Variants in WNT5B observed in about 807,000 individuals in gnomAD.
WNT5B encodes Wnt family member 5B, also known as protein Wnt-5b.
A neutral mutation model predicts 36.5 loss-of-function variants in WNT5B; 18 were observed. The ratio of observed to expected loss-of-function variants is 0.49; its 90% CI spans 0.34 to 0.73. The LOEUF (loss-of-function observed/expected upper bound fraction) is 0.73. Ranked by LOEUF, WNT5B falls within the 30% of genes least tolerant of loss-of-function variation. WNT5B has a pLI of 0.01. For missense variants in WNT5B, 424 were observed against 508.4 expected (o/e 0.83, Z 1.60); for synonymous variants, 213 against 212.3 (o/e 1.00, Z -0.03).
chr12:1,622,806 C>T (rs146512829), intron 1 of WNT5B, among the ~76,000 whole-genome samples: 2,333 of 152,308 alleles, frequency 0.015, 29 homozygotes, highest in African/African-American at 0.03. Flanking sequence ...AACAGATGAG[C>T]ATGCCACACT....
At position 1,618,792 on chromosome 12, in the gene WNT5B, G is replaced by A. The variant is rs2094530112; in HGVS notation, c.-58+1649G>A. On this transcript the variant is annotated intron_variant, in intron 1 of 4. Coordinates refer to the WNT5B transcript ENST00000310594. This position sits in a 1 kb window ranked among gnomAD's most constrained non-coding sequence, Gnocchi z 4.1. Reference sequence around the variant, plus strand: ...TTGTACAGGGACCCAGAGTCTTAGGGATCTGCTCTGCCTACTTTGTGGAAT... The same window carrying A: ...TTGTACAGGGACCCAGAGTCTTAGGAATCTGCTCTGCCTACTTTGTGGAAT... Among the ~76,000 whole-genome samples, 1 of 152,124 alleles carries A rather than the reference G, an allele frequency of 6.6e-6. No individual in the cohort carries two copies. Among genetic ancestry groups the A allele is most frequent in the African/African-American group, 2.4e-5 (1 of 41,434 alleles).
chr12:1,622,000 A>C (rs955010600), intron 1 of WNT5B, among the ~76,000 whole-genome samples: 85 of 152,120 alleles, frequency 5.6e-4, no homozygotes, highest in African/African-American at 2.0e-3. Flanking sequence ...CTTCATGTGA[A>C]ATCCTTTCTG....
rs2094569574 is a variant in WNT5B, at chr12:1,639,490, CG to C, written c.329-192del. 2.0e-5 allele frequency among the ~76,000 whole-genome samples: 3 copies of C among 152,042 alleles called. No homozygotes were observed. In the South Asian group the frequency reaches 6.2e-4, roughly 32 times the overall value. On this transcript the variant is annotated intron_variant, in intron 3 of 4. Transcript: ENST00000397196. ...GCAGGGCTGAGCTGGGGCCCAGCGG[CG>C]GAAGTAAAACAGCAGATTTCAGCCC...
In WNT5B at chr12:1,646,412, G is replaced by C; in HGVS notation, c.*160G>C. The C allele has an allele frequency of 5.1e-6, 3 of 592,080 alleles. No individual in the cohort carries two copies. Among genetic ancestry groups the C allele is most frequent in the Non-Finnish European group, 7.4e-6 (3 of 406,104 alleles). 36.7% of individuals were successfully genotyped at this position (592,080 alleles called of 1,614,324 possible). A position where few individuals can be genotyped will look rare whatever the true frequency, so the allele number is the denominator to read the frequency against. The stretch of plus-strand genomic sequence containing the variant: ...GGAAGAGCTTATTTAAGAGACGCTG[G>C]AGATCTCTGAGGAGTGGACTTTGCT... On this transcript the variant is annotated 3_prime_UTR_variant, in exon 5 of 5. Transcript: ENST00000397196.
chr12:1,622,235 T>C (rs12305744), intron 1 of WNT5B, among the ~76,000 whole-genome samples: 23,538 of 151,258 alleles, frequency 0.16, 1,970 homozygotes, highest in Middle Eastern at 0.26. Flanking sequence ...TTCAGCCTCC[T>C]GAGTCGCTGG....
chr12:1,645,880 C>T lies in WNT5B; in HGVS notation c.708C>T (p.Ala236=), dbSNP rs751701006. 18 of 1,611,482 alleles carry T rather than the reference C, an allele frequency of 1.1e-5. No homozygotes were observed. Among genetic ancestry groups the T allele is most frequent in the South Asian group, 2.2e-5 (2 of 91,026 alleles). ...CSLKTCWLQL[A]EFRKVGDRLK... is the part of the protein sequence containing the mutation. ...TCAAGACCTGCTGGCTGCAGCTGGCCGAGTTCCGCAAGGTCGGGGACCGGC... is the reference window on the plus strand; with the variant it reads ...TCAAGACCTGCTGGCTGCAGCTGGCTGAGTTCCGCAAGGTCGGGGACCGGC... The change falls in exon 5 of 5, where the codon GCC becomes GCT. Residue 236 remains alanine (A), a synonymous_variant. Coordinates refer to ENST00000397196, the MANE Select transcript of WNT5B (RefSeq NM_032642.3).
intron 4 of WNT5B, among the ~76,000 whole-genome samples, chr12:1,643,818 A>G (rs1448676545): frequency 6.9e-6 from 1 of 144,670 alleles, no homozygotes; most frequent in East Asian, 1.9e-4. Flanking sequence ...ATATATACAT[A>G]TATATATATA....
chr12:1,624,417 G>A (rs73032663), upstream of WNT5B, among the ~76,000 whole-genome samples: 13,279 of 151,068 alleles, frequency 0.088, 683 homozygotes, highest in Middle Eastern at 0.22. Flanking sequence ...AGCAGAGAAG[G>A]TGTTATGCTC....
In WNT5B at chr12:1,647,186, T is replaced by C. The variant is rs981791325; in HGVS notation, c.*934T>C. On this transcript the variant is annotated 3_prime_UTR_variant, in exon 5 of 5. Coordinates refer to ENST00000397196, the MANE Select transcript of WNT5B (RefSeq NM_032642.3). ...ATCTCTGCCCCAGGTGTACGGTTTCTCTCTGACATTAAATGCCCTTCATGG... is the reference window on the plus strand; with the variant it reads ...ATCTCTGCCCCAGGTGTACGGTTTCCCTCTGACATTAAATGCCCTTCATGG... 6.6e-6 allele frequency: 1 copy of C among 152,272 alleles called. No individual in the cohort carries two copies. The highest frequency in any genetic ancestry group is 1.5e-5 in the Non-Finnish European group (1 of 68,090). 9.4% of individuals were successfully genotyped at this position (152,272 alleles called of 1,614,324 possible).
At chr12:1,625,650 A>G (rs775031458), upstream of WNT5B, among the ~76,000 whole-genome samples, 4 of 152,162 alleles carry the variant, frequency 2.6e-5, no homozygotes, top group African/African-American at 4.8e-5. Context: ...TTGCAAATGT[A>G]CTTTTATTCT....
At position 1,639,863 on chromosome 12, in the gene WNT5B, C is replaced by G. The variant is rs748214333; in HGVS notation, c.508C>G (p.Arg170Gly). 1.2e-6 allele frequency: 2 copies of G among 1,613,826 alleles called. No homozygotes were observed. The highest frequency in any genetic ancestry group is 1.7e-6 in the Non-Finnish European group (2 of 1,179,916). The change falls in exon 4 of 5, where the codon CGC (arginine) becomes GGC (glycine). Residue 170 changes from arginine to glycine, a missense_variant. Physicochemically the swap from Arg to Gly is moderately radical, Grantham distance 125 (BLOSUM62 -2). Coordinates refer to ENST00000397196, the MANE Select transcript of WNT5B (RefSeq NM_032642.3). Reference protein sequence around the residue: ...GCGDNVEYGYRFAKEFVDARE... With the variant: ...GCGDNVEYGYGFAKEFVDARE... ...TGGGGACAACGTGGAGTACGGCTAC[C>G]GCTTCGCCAAGGAGTTTGTGGATGC...
intron 4 of WNT5B, among the ~76,000 whole-genome samples, chr12:1,640,529 C>T (rs1251636150): frequency 1.3e-5 from 2 of 152,164 alleles, no homozygotes; most frequent in Non-Finnish European, 2.9e-5. Context: ...AGAAGACAGC[C>T]ATCTGTTTAA....
intron 1 of WNT5B, among the ~76,000 whole-genome samples, chr12:1,621,239 A>C (rs1449488861): frequency 6.6e-6 from 1 of 152,088 alleles, no homozygotes; most frequent in Non-Finnish European, 1.5e-5. Context: ...AAGAAGAGGG[A>C]GGAGTCACAA....
At chr12:1,643,150 T>G (rs1217503832) in intron 4 of WNT5B, among the ~76,000 whole-genome samples, 1 of 152,188 alleles carries the variant, frequency 6.6e-6, no homozygotes, top group Non-Finnish European at 1.5e-5. Context: ...TCTCTTGGCC[T>G]GCAAGAGCAT....
chr12:1,635,679 G>A (rs1007580877), intron 3 of WNT5B, among the ~76,000 whole-genome samples: 21 of 152,222 alleles, frequency 1.4e-4, no homozygotes, highest in African/African-American at 5.1e-4. Flanking sequence ...TCAGGTGGTT[G>A]AGGCTGCATT....
chr12:1,643,737 C>CGGCA lies in WNT5B; in HGVS notation c.622-2056_622-2053dup, dbSNP rs1218787218. 8.8e-5 allele frequency among the ~76,000 whole-genome samples: 10 copies of CGGCA among 114,190 alleles called. No homozygotes were observed. In the South Asian group the frequency reaches 1.8e-3, roughly 21 times the overall value. The allele number at this position is 114,190 out of a possible 152,430, so 74.9% of individuals were successfully genotyped here. A position where few individuals can be genotyped will look rare whatever the true frequency, so the allele number is the denominator to read the frequency against. On this transcript the variant is annotated intron_variant, in intron 4 of 4. Transcript: ENST00000397196. ...TGAATTAGCAGTCTGGGCTGAAAATCGGCATTTCCCCCTATCGCCTACAAA... is the reference window on the plus strand; with the variant it reads ...TGAATTAGCAGTCTGGGCTGAAAATCGGCAGGCATTTCCCCCTATCGCCTACAAA...
rs1480514459 is a variant in WNT5B at position 1,646,163 on chromosome 12, G to A, written c.991G>A (p.Val331Met). The A allele has an allele frequency of 1.9e-6, 3 of 1,613,676 alleles. No homozygotes were observed. The highest frequency in any genetic ancestry group is 1.3e-5 in the African/African-American group (1 of 74,958). ...RGYNQFKSVQ[V>M]ERCHCKFHWC... ...CTACAACCAGTTCAAGAGCGTGCAG[G>A]TGGAGCGCTGCCACTGCAAGTTCCA... Residue 331 changes from valine (V) to methionine (M), a missense_variant, in exon 5 of 5, where the codon GTG becomes ATG. Val to Met is a conservative substitution (Grantham distance 21, BLOSUM62 1). Transcript: ENST00000397196.
rs969730842 is a variant in WNT5B, at chr12:1,630,116, C to A, written c.-58+745C>A. The A allele has an allele frequency of 3.0e-6, 3 of 985,390 alleles. No individual in the cohort carries two copies. The highest frequency in any genetic ancestry group is 1.1e-4 in the East Asian group (1 of 8,796). 61.0% of individuals were successfully genotyped at this position (985,390 alleles called of 1,614,324 possible). Reference sequence around the variant, plus strand: ...TCCTGGCGGCCCCAGGACAAAAATACTTCCCGGGCTGATGACCCGAAGCAC... The same window carrying A: ...TCCTGGCGGCCCCAGGACAAAAATAATTCCCGGGCTGATGACCCGAAGCAC... On this transcript the variant is annotated intron_variant, in intron 1 of 4. Coordinates refer to ENST00000397196, the MANE Select transcript of WNT5B (RefSeq NM_032642.3). This position sits in a 1 kb window ranked among gnomAD's most constrained non-coding sequence, Gnocchi z 5.3.
In WNT5B at chr12:1,646,273, C is replaced by T. The variant is rs767013866; in HGVS notation, c.*21C>T. On this transcript the variant is annotated 3_prime_UTR_variant, in exon 5 of 5. Transcript: ENST00000397196. ...AATAGCCCGGAGGGCCTGCTCCCGG[C>T]CCCCCTGCACTCTGCCTCACAAAGG... The T allele has an allele frequency of 4.4e-6, 7 of 1,576,794 alleles. No homozygotes were observed. In the Admixed American group the frequency reaches 7.4e-5, roughly 17 times the overall value.
Sources: allele counts gnomAD v4.1 joint callset (sites outside exome capture counted in the v4.1 genomes callset), GRCh38; gene constraint gnomAD v4.1.1; non-coding constraint Gnocchi (gnomAD v3.1); transcripts MANE v1.5; gene names NCBI Gene and HGNC (gene_info 2026-07-23, HGNC 2026-07-21).